The following PKN3 variants were observed in gnomAD, a reference collection of about 807,000 sequenced individuals.
PKN3 encodes the protein protein kinase N3.
In PKN3, 91 loss-of-function variants were observed where a neutral mutation model predicts 113.1. The ratio of observed to expected loss-of-function variants is 0.80; its 90% confidence interval spans 0.68 to 0.96. PKN3 has a LOEUF of 0.96. Ranked by LOEUF, PKN3 falls within the 40% of genes least tolerant of loss-of-function variation. PKN3 has a pLI of 0.00. For missense variants in PKN3, 1,052 were observed against 1,202.2 expected, an observed-to-expected ratio of 0.88 and a Z score of 1.85; for synonymous variants, 467 against 499.0, an observed-to-expected ratio of 0.94 and a Z score of 0.85.
intron 8 of PKN3, 42 bp downstream of exon 8, chr9:128,713,429 C>T (rs750218226): frequency 3.1e-5 from 50 of 1,611,726 alleles, no homozygotes; most frequent in East Asian, 1.3e-4. Flanking sequence ...CCTTGGGCTG[C>T]GGGGTGGAAG....
At chr9:128,714,146 G>T in intron 10 of PKN3, 25 bp downstream of exon 10, 1 of 1,614,112 alleles carries the variant, frequency 6.2e-7, no homozygotes, top group Non-Finnish European at 8.5e-7. Context: ...GGGGCTATGT[G>T]TGAGGGAGCA....
intron 18 of PKN3, among the ~76,000 whole-genome samples, chr9:128,718,934 C>T (rs548114767): frequency 1.7e-4 from 25 of 148,338 alleles, no homozygotes; most frequent in South Asian, 6.5e-4. Flanking sequence ...CTTGCTGTGC[C>T]GCCCAGGATG....
chr9:128,703,633 C>T, intron 1 of PKN3: 2 of 985,400 alleles, frequency 2.0e-6, no homozygotes, highest in Non-Finnish European at 2.4e-6. Context: ...CATTTGCGGA[C>T]AGGAGTGGGT....
In PKN3 at chr9:128,713,612, C is replaced by T; in HGVS notation, c.1206C>T (p.Ser402=). The T allele has an allele frequency of 6.2e-7, 1 of 1,613,770 alleles. No homozygotes were observed. The highest frequency in any genetic ancestry group is 8.5e-7 in the Non-Finnish European group (1 of 1,179,998). ...ATGCCTGTCACCAACTGTCCCTCAG[C>T]CTGGTACCGCAGGGACTGCTTTTTG... ...LDNACHQLSL[S]LVPQGLLFAQ... The change falls in exon 9 of 22, where the codon AGC becomes AGT. Residue 402 remains serine (S), a synonymous_variant. Coordinates refer to ENST00000291906, the MANE Select transcript of PKN3 (RefSeq NM_013355.5).
rs773562928 is a variant in PKN3 at position 128,706,816 on chromosome 9, C to G, written c.515C>G (p.Pro172Arg). The change falls in exon 4 of 22, where the codon CCG (proline) becomes CGG (arginine). Residue 172 changes from proline to arginine, a missense_variant. Coordinates refer to ENST00000291906, the MANE Select transcript of PKN3 (RefSeq NM_013355.5). ...AGCAGCCTGGAGGCCAGTGGGTCCC[C>G]GGAGCCAGGTGAGGCCTTGAGACAC... ...KISSLEASGS[P>R]EPGPELLAEE... is the part of the protein sequence containing the mutation. 6.2e-7 allele frequency: 1 copy of G among 1,610,434 alleles called. No individual in the cohort carries two copies. The highest frequency in any genetic ancestry group is 1.1e-5 in the South Asian group (1 of 90,918).
intron 15 of PKN3, among the ~76,000 whole-genome samples, chr9:128,716,373 G>A (rs983006260): frequency 1.3e-5 from 2 of 151,182 alleles, no homozygotes; most frequent in South Asian, 2.1e-4. Context: ...CGAAGCAGGT[G>A]GATAACTTGA....
At chr9:128,712,900 G>A (rs950192321) in intron 6 of PKN3, 152 bp from the exon 7 acceptor site, 3 of 745,268 alleles carry the variant, frequency 4.0e-6, no homozygotes, top group Non-Finnish European at 6.6e-6. Context: ...CACTGAGTGA[G>A]GTTCCTCAGG....
Position 128,705,485 on chromosome 9 carries a change from C to T in PKN3, c.207C>T (p.Gly69=), listed in dbSNP as rs770615939. The T allele has an allele frequency of 1.5e-5, 23 of 1,562,940 alleles. No individual in the cohort carries two copies. The Admixed American group carries it at 1.7e-4, about 12-fold the overall frequency. Residue 69 remains glycine (G), a synonymous_variant, in exon 2 of 22, where the codon GGC becomes GGT. Transcript: ENST00000291906. Reference sequence around the variant, plus strand: ...ACCGCCGCCTGGAGCAGCTGCATGGCGAGCTGCGGGAGCTGCACGCCCGAA... The same window carrying T: ...ACCGCCGCCTGGAGCAGCTGCATGGTGAGCTGCGGGAGCTGCACGCCCGAA... ...SSNRRLEQLH[G]ELRELHARIL...
chr9:128,708,070 C>CA (rs61519902), intron 6 of PKN3, among the ~76,000 whole-genome samples: 114 of 68,150 alleles, frequency 1.7e-3, no homozygotes, highest in African/African-American at 5.2e-3. Context: ...GACGCCGTCG[C>CA]AAAAAAAAAA....
chr9:128,720,623 C>T lies in PKN3; in HGVS notation c.*17C>T. On this transcript the variant is annotated 3_prime_UTR_variant, in exon 22 of 22. Coordinates refer to ENST00000291906, the MANE Select transcript of PKN3 (RefSeq NM_013355.5). The surrounding 1 kb of genome is among the most constrained non-coding windows in gnomAD (Gnocchi z 5.5). ...GAACCCTGAGGGCATCTCCTGGCAC[C>T]TCTGTCCCCTTCCCCCACAGACTGT... The T allele has an allele frequency of 1.9e-6, 3 of 1,600,824 alleles. No homozygotes were observed. Among genetic ancestry groups the T allele is most frequent in the Non-Finnish European group, 2.6e-6 (3 of 1,170,470 alleles).
intron 3 of PKN3, 53 bp from the exon 4 acceptor site, chr9:128,706,660 G>T: frequency 7.5e-7 from 1 of 1,332,790 alleles, no homozygotes; most frequent in East Asian, 2.5e-5. Context: ...TGGTCTGATG[G>T]GGGAAGCTGT....
intron 5 of PKN3, 86 bp from the exon 6 acceptor site, chr9:128,707,136 C>T (rs41275910): frequency 0.025 from 39,951 of 1,583,214 alleles, 787 homozygotes; most frequent in Admixed American, 0.096. Context: ...GTTGAGACTT[C>T]ATGCGGAAGG....
chr9:128,717,861 T>TAA (rs67487928), intron 16 of PKN3, among the ~76,000 whole-genome samples: 2 of 97,820 alleles, frequency 2.0e-5, no homozygotes, highest in African/African-American at 4.1e-5. Context: ...CTATAAAAAC[T>TAA]AAAAAAAAAA....
chr9:128,718,660 C>T (rs777484315), intron 18 of PKN3, 35 bp downstream of exon 18: 1 of 1,588,452 alleles, frequency 6.3e-7, no homozygotes, highest in Admixed American at 1.7e-5. Context: ...TATCTCCAGC[C>T]TTGTTTACCC....
In PKN3 at chr9:128,720,360, C is replaced by G. The variant is rs1333832685; in HGVS notation, c.2458-34C>G. ...TGGAGTGACTCCTGGAGCTGCTGTT[C>G]CTGCCGTCTCAGGCGCCTCTCCTTT... On this transcript the variant is annotated intron_variant, in intron 21 of 21. Transcript: ENST00000291906. The surrounding 1 kb of genome is among the most constrained non-coding windows in gnomAD (Gnocchi z 5.5). 1 of 1,612,096 alleles carries G rather than the reference C, an allele frequency of 6.2e-7. No homozygotes were observed. Among genetic ancestry groups the G allele is most frequent in the Admixed American group, 1.7e-5 (1 of 60,002 alleles).
At chr9:128,703,414 G>C in intron 1 of PKN3, 3 of 985,400 alleles carry the variant, frequency 3.0e-6, no homozygotes, top group Non-Finnish European at 3.6e-6. Flanking sequence ...GGAGGCACGA[G>C]GGGAGCGTAG....
Position 128,714,239 on chromosome 9 carries a change from C to A in PKN3, c.1355C>A (p.Ala452Glu), listed in dbSNP as rs371936211. The change falls in exon 11 of 22, where the codon GCG becomes GAG. Residue 452 changes from alanine to glutamate, a missense_variant. This residue lies in a region of PKN3 where 719 missense variants were observed against 759.4 expected (regional missense o/e 0.95). Transcript: ENST00000291906. ...GCTTCGCAGATGAACCTCGGCATGG[C>A]GGCCTGGGGGCGCCTCGTCATGAAC... is the stretch of plus-strand genomic sequence containing the variant. ...LRASQMNLGM[A>E]AWGRLVMNLL... is the part of the protein sequence containing the mutation. 3 of 1,613,954 alleles carry A rather than the reference C, an allele frequency of 1.9e-6. No individual in the cohort carries two copies. The highest frequency in any genetic ancestry group is 1.1e-5 in the South Asian group (1 of 91,080).
rs771840775 is a variant in PKN3, at chr9:128,705,321, C to G, written c.43C>G (p.Pro15Ala). The change falls in exon 2 of 22, where the codon CCC (proline) becomes GCC (alanine). Residue 15 changes from proline to alanine, a missense_variant. This residue lies in a region of PKN3 where 719 missense variants were observed against 759.4 expected (regional missense o/e 0.95). Transcript: ENST00000291906. ...APRQPGPSQW[P>A]PEDEKEVIRR... ...TCTGCAGCCTGGGCCGAGCCAGTGG[C>G]CCCCAGAGGATGAGAAGGAGGTGAT... 1 of 1,559,002 alleles carries G rather than the reference C, an allele frequency of 6.4e-7. No individual in the cohort carries two copies. Among genetic ancestry groups the G allele is most frequent in the East Asian group, 2.4e-5 (1 of 41,836 alleles).
At chr9:128,703,617 G>A (rs375061955) in intron 1 of PKN3, 2 of 985,320 alleles carry the variant, frequency 2.0e-6, no homozygotes, top group South Asian at 9.4e-5. Context: ...GTGGTTGGGA[G>A]GGGGGCATTT....
Sources: gnomAD v4.1 joint callset for allele counts (sites outside exome capture counted in the v4.1 genomes callset) on GRCh38, gnomAD v4.1.1 for gene constraint, gnomAD v4.1.1 regional missense constraint, Gnocchi (gnomAD v3.1) non-coding constraint, MANE v1.5 for transcripts, NCBI Gene and HGNC (gene_info 2026-07-23, HGNC 2026-07-21) for gene names.